ABCC11: variants seen among roughly 807,000 people sequenced by gnomAD.
The protein encoded by ABCC11 is ATP-binding cassette sub-family C member 11.
In ABCC11, 135 loss-of-function variants were observed where a neutral mutation model predicts 149.3. The ratio of observed to expected loss-of-function variants is 0.90; its 90% CI spans 0.79 to 1.04. ABCC11 has a LOEUF of 1.04. ABCC11 is among the 50% of genes least tolerant of loss of function. The pLI, the probability that ABCC11 is intolerant of heterozygous loss-of-function variation, is 0.00. For missense variants in ABCC11, 1,680 were observed against 1,722.1 expected (o/e 0.98, Z 0.43); for synonymous variants, 665 against 671.4 (o/e 0.99, Z 0.15).
chr16:48,200,259 C>T lies in ABCC11; in HGVS notation c.2082+17G>A. 6.2e-7 allele frequency: 1 copy of T among 1,611,746 alleles called. No homozygotes were observed. On this transcript the variant is annotated intron_variant, in intron 15 of 29. Transcript: ENST00000356608. The stretch of plus-strand genomic sequence containing the variant: ...GTTATCCGTCAATCACAGTCAGAGC[C>T]CTGGAAGGGTGCTAACCTGCAGCTG...
chr16:48,184,687 C>T, intron 22 of ABCC11, 61 bp from the exon 23 acceptor site: 4 of 1,546,206 alleles, frequency 2.6e-6, no homozygotes, highest in Non-Finnish European at 3.5e-6. Flanking sequence ...CTCCCCGGGT[C>T]AGGGTAGATA....
Position 48,229,588 on chromosome 16 carries a change from C to T in ABCC11, c.236+849G>A, listed in dbSNP as rs765945597. 5.9e-4 allele frequency among the ~76,000 whole-genome samples: 87 copies of T among 147,222 alleles called. 2 individuals carry two copies. The highest frequency in any genetic ancestry group is 1.0e-3 in the Non-Finnish European group (67 of 66,954). On this transcript the variant is annotated intron_variant, in intron 3 of 29. Coordinates refer to ENST00000356608, the MANE Select transcript of ABCC11 (RefSeq NM_001370497.1). ...CACACCATTCTCCTGCCTCAGCCTC[C>T]TGAGTAGCTGGGACTACAGGCGCCT...
At chr16:48,192,015 G>C (rs189313310) in intron 20 of ABCC11, among the ~76,000 whole-genome samples, 1 of 152,220 alleles carries the variant, frequency 6.6e-6, no homozygotes, top group Non-Finnish European at 1.5e-5. Flanking sequence ...GGGCATGGTG[G>C]CTCACACCTG....
intron 11 of ABCC11, 67 bp from the exon 12 acceptor site, chr16:48,208,563 C>T (rs1172112358): frequency 1.2e-5 from 19 of 1,565,994 alleles, no homozygotes; most frequent in African/African-American, 2.7e-5. Context: ...CTGCCCATGG[C>T]GGCTCAACTG....
chr16:48,231,902 T>C lies in ABCC11; in HGVS notation c.20A>G (p.Tyr7Cys), dbSNP rs2150921990. MTRKRTYWVPNSSGGLV... is the reference protein window; with the variant it reads MTRKRTCWVPNSSGGLV... ...GCCACCAGAAGAGTTGGGCACCCAG[T>C]ATGTCCTCTTCCTAGTCATTTTCAG... The change falls in exon 2 of 30, where the codon TAC becomes TGC. Residue 7 changes from tyrosine (Y) to cysteine (C), a missense_variant. Transcript: ENST00000356608. 6.2e-7 allele frequency: 1 copy of C among 1,614,136 alleles called. No individual in the cohort carries two copies. Among genetic ancestry groups the C allele is most frequent in the East Asian group, 2.2e-5 (1 of 44,872 alleles).
Position 48,222,732 on chromosome 16 carries a change from C to A in ABCC11, c.643G>T (p.Val215Leu). ...CTGGAGGAGAAACTCAGAGACTTCA[C>A]ACATTCGGAGAGAAAAAGGGCAAAG... ...LCFALFLSEC[V>L]KSLSFSSSWI... The change falls in exon 6 of 30, where the codon GTG becomes TTG. Residue 215 changes from valine to leucine, a missense_variant. Coordinates refer to ENST00000356608, the MANE Select transcript of ABCC11 (RefSeq NM_001370497.1). 4 of 1,614,244 alleles carry A rather than the reference C, an allele frequency of 2.5e-6. No homozygotes were observed. The highest frequency in any genetic ancestry group is 3.4e-6 in the Non-Finnish European group (4 of 1,180,036).
intron 26 of ABCC11, among the ~76,000 whole-genome samples, chr16:48,174,790 G>A (rs1965934706): frequency 6.6e-6 from 1 of 152,192 alleles, no homozygotes; most frequent in Admixed American, 6.5e-5. Flanking sequence ...TCCCATCAGG[G>A]TTTTGTTTCT....
chr16:48,196,652 G>A (rs942502604), intron 17 of ABCC11, among the ~76,000 whole-genome samples: 2 of 152,208 alleles, frequency 1.3e-5, no homozygotes, highest in Admixed American at 6.5e-5. Flanking sequence ...CTATGACACT[G>A]TGCAACATCA....
intron 26 of ABCC11, 77 bp from the exon 27 acceptor site, chr16:48,171,044 A>G (rs1296213526): frequency 1.6e-6 from 2 of 1,249,886 alleles, no homozygotes; most frequent in Non-Finnish European, 2.3e-6. Flanking sequence ...CCAGTGAATG[A>G]CCAAGAATGT....
At chr16:48,180,845 A>C (rs1966383405) in intron 23 of ABCC11, among the ~76,000 whole-genome samples, 1 of 152,224 alleles carries the variant, frequency 6.6e-6, no homozygotes, top group Non-Finnish European at 1.5e-5. Flanking sequence ...AAAGTACTGA[A>C]GGACTGGGAA....
chr16:48,176,440 A>G (rs957775467), intron 25 of ABCC11, among the ~76,000 whole-genome samples: 4 of 151,988 alleles, frequency 2.6e-5, no homozygotes, highest in African/African-American at 9.7e-5. Flanking sequence ...AAAGAGGAGG[A>G]GACAGAGGCT....
chr16:48,206,095 C>T (rs1380308868), intron 12 of ABCC11, among the ~76,000 whole-genome samples: 5 of 152,198 alleles, frequency 3.3e-5, no homozygotes, highest in South Asian at 4.1e-4. Context: ...CAGGCGTGAA[C>T]GTTTTTTCCT....
intron 27 of ABCC11, 23 bp from the exon 28 acceptor site, chr16:48,170,241 A>G (rs1452906500): frequency 6.3e-7 from 1 of 1,595,180 alleles, no homozygotes; most frequent in East Asian, 2.2e-5. Context: ...AAGAAGAGAC[A>G]ACATAACCTG....
intron 12 of ABCC11, among the ~76,000 whole-genome samples, chr16:48,205,827 T>C (rs1398478410): frequency 6.6e-6 from 1 of 151,704 alleles, no homozygotes; most frequent in African/African-American, 2.4e-5. Flanking sequence ...TTTTTTTTTT[T>C]TGAGACGGAG....
At position 48,187,019 on chromosome 16, in the gene ABCC11, A is replaced by T; in HGVS notation, c.3005T>A (p.Ile1002Asn). ...GCTCAGGCCTTGCAGAGAATTGAGGATGTGGGAGAATAAAGGAGACCGGCT... is the reference window on the plus strand; with the variant it reads ...GCTCAGGCCTTGCAGAGAATTGAGGTTGTGGGAGAATAAAGGAGACCGGCT... ...NYSRSPLFSHILNSLQGLSSI... is the reference protein window; with the variant it reads ...NYSRSPLFSHNLNSLQGLSSI... The change falls in exon 22 of 30, where the codon ATC (isoleucine) becomes AAC (asparagine). Residue 1002 changes from isoleucine to asparagine, a missense_variant. Physicochemically the swap from Ile to Asn is moderately radical, Grantham distance 149 (BLOSUM62 -3). Coordinates refer to ENST00000356608, the MANE Select transcript of ABCC11 (RefSeq NM_001370497.1). 6.2e-7 allele frequency: 1 copy of T among 1,614,134 alleles called. No homozygotes were observed. The highest frequency in any genetic ancestry group is 8.5e-7 in the Non-Finnish European group (1 of 1,180,026).
chr16:48,176,991 C>T lies in ABCC11; in HGVS notation c.3471G>A (p.Val1157=), dbSNP rs943960695. ...HMKYRDNTPT[V]LHGINLTIRG... ...GGATGGTCAGGTTGATGCCGTGAAG[C>T]ACGGTGGGTGTGTTGTCTCTGTATT... Residue 1157 remains valine, a synonymous_variant, in exon 25 of 30, where the codon GTG becomes GTA. Coordinates refer to ENST00000356608, the MANE Select transcript of ABCC11 (RefSeq NM_001370497.1). 1.2e-5 allele frequency: 20 copies of T among 1,614,068 alleles called. No homozygotes were observed. Among genetic ancestry groups the T allele is most frequent in the Non-Finnish European group, 1.7e-5 (20 of 1,180,036 alleles).
At position 48,205,554 on chromosome 16, in the gene ABCC11, C is replaced by T. The variant is rs200930272; in HGVS notation, c.1681-17G>A. On this transcript the variant is annotated splice_polypyrimidine_tract_variant and intron_variant, in intron 12 of 29. Coordinates refer to ENST00000356608, the MANE Select transcript of ABCC11 (RefSeq NM_001370497.1). ...CAAGTGCATCTGCGGCAGAATGAGT[C>T]CAGCCTCAGGACCAATTGGGCCAAG... 2 of 1,612,828 alleles carry T rather than the reference C, an allele frequency of 1.2e-6. No homozygotes were observed. Among genetic ancestry groups the T allele is most frequent in the African/African-American group, 1.3e-5 (1 of 75,036 alleles).
At chr16:48,178,552 C>T in intron 24 of ABCC11, 45 bp downstream of exon 24, 1 of 1,589,130 alleles carries the variant, frequency 6.3e-7, no homozygotes, top group Non-Finnish European at 8.6e-7. Context: ...AAGTCATGCC[C>T]CAACTTGCAT....
intron 1 of ABCC11, among the ~76,000 whole-genome samples, chr16:48,237,416 A>G (rs1446731244): frequency 6.6e-6 from 1 of 152,186 alleles, no homozygotes; most frequent in African/African-American, 2.4e-5. Flanking sequence ...TGTCCAATCC[A>G]TCAGCATATT....
Sources: allele counts gnomAD v4.1 joint callset (sites outside exome capture counted in the v4.1 genomes callset), GRCh38; gene constraint gnomAD v4.1.1; transcripts MANE v1.5; gene names NCBI Gene and HGNC (gene_info 2026-07-23, HGNC 2026-07-21).